Variants in DNAAF1 observed in about 807,000 individuals in gnomAD.
The protein encoded by DNAAF1 is dynein axonemal assembly factor 1.
Under a neutral mutation model 71.1 loss-of-function variants are expected in DNAAF1, and 65 were observed. That is an observed-to-expected ratio of 0.91 (90% CI 0.75 to 1.12). The LOEUF (loss-of-function observed/expected upper bound fraction) is 1.12, where lower values mean the gene tolerates loss of function less well. Ranked by LOEUF, DNAAF1 falls within the 50% of genes most tolerant of loss-of-function variation. The probability of loss-of-function intolerance (pLI) is 0.00; values close to 1 mark genes in which losing one functional copy is unlikely to be tolerated. For synonymous variants in DNAAF1, 414 were observed against 354.6 expected (o/e 1.17, Z -1.88); for missense variants, 1,178 against 899.8 (o/e 1.31, Z -3.96).
chr16:84,173,772 G>T (rs1409468378), intron 9 of DNAAF1: 1 of 154,832 alleles, frequency 6.5e-6, no homozygotes, highest in African/African-American at 2.4e-5. Flanking sequence ...CAGGAGAACT[G>T]CTTGAACCTG....
Position 84,160,930 on chromosome 16 carries a change from C to G in DNAAF1, c.863+1134C>G, listed in dbSNP as rs559856277. Among the ~76,000 whole-genome samples, 573 of 150,052 alleles carry G rather than the reference C, an allele frequency of 3.8e-3. 4 individuals are homozygous for G. The highest frequency in any genetic ancestry group is 0.013 in the African/African-American group (538 of 40,878). On this transcript the variant is annotated intron_variant, in intron 6 of 11. Transcript: ENST00000378553. ...CCAGCCTGGGCAACAGAGCGAGACT[C>G]CGTCTCAAAAAAAAAAAAAAAAAGA...
At position 84,154,589 on chromosome 16, in the gene DNAAF1, T is replaced by A; in HGVS notation, c.365T>A (p.Ile122Asn). The A allele has an allele frequency of 6.2e-7, 1 of 1,614,134 alleles. No homozygotes were observed. Residue 122 changes from isoleucine (I) to asparagine (N), a missense_variant, in exon 4 of 12, where the codon ATT becomes AAT. By Grantham distance (149) the Ile-to-Asn change is moderately radical (BLOSUM62 -3). Transcript: ENST00000378553. Reference sequence around the variant, plus strand: ...TCCTTTTTGTTAGGTTTTGATCGCATTGAGAACCTGGAAGAGTACACAGGG... The same window carrying A: ...TCCTTTTTGTTAGGTTTTGATCGCAATGAGAACCTGGAAGAGTACACAGGG... ...LYLHFKGFDR[I>N]ENLEEYTGLR...
intron 5 of DNAAF1, among the ~76,000 whole-genome samples, chr16:84,158,571 G>T (rs114694608): frequency 6.6e-6 from 1 of 152,116 alleles, no homozygotes; most frequent in Non-Finnish European, 1.5e-5. Context: ...ACGAAAGCAG[G>T]TTGCTTTATG....
intron 1 of DNAAF1, among the ~76,000 whole-genome samples, chr16:84,146,445 G>C (rs531194274): frequency 2.0e-5 from 3 of 152,116 alleles, no homozygotes; most frequent in African/African-American, 4.8e-5. Context: ...GGCCAGGCAC[G>C]GTGGCTCACG....
At chr16:84,157,802 C>T (rs1412143377) in intron 5 of DNAAF1, among the ~76,000 whole-genome samples, 1 of 152,186 alleles carries the variant, frequency 6.6e-6, no homozygotes, top group East Asian at 1.9e-4. Context: ...TAGTTTAGAA[C>T]TGCAGCACAC....
chr16:84,148,267 G>A, intron 1 of DNAAF1, among the ~76,000 whole-genome samples: 1 of 151,986 alleles, frequency 6.6e-6, no homozygotes, highest in East Asian at 1.9e-4. Context: ...ATGGTATCCT[G>A]TGCTTATTTT....
intron 6 of DNAAF1, among the ~76,000 whole-genome samples, chr16:84,162,842 C>T (rs1290820068): frequency 6.6e-6 from 1 of 151,496 alleles, no homozygotes; most frequent in African/African-American, 2.4e-5. Flanking sequence ...AAAGAAATAC[C>T]ATCCCCATTA....
chr16:84,163,676 G>C (rs1394951003), intron 6 of DNAAF1, among the ~76,000 whole-genome samples: 2 of 151,966 alleles, frequency 1.3e-5, no homozygotes, highest in East Asian at 1.9e-4. Context: ...ACCGCACCCA[G>C]CCCTGTCTTT....
At chr16:84,175,831 A>G (rs2151280762) in intron 10 of DNAAF1, 102 bp from the exon 11 acceptor site, 5 of 1,438,666 alleles carry the variant, frequency 3.5e-6, no homozygotes, top group Non-Finnish European at 4.8e-6. Flanking sequence ...GCAACAGAAT[A>G]CTTTGTGACA....
At chr16:84,174,478 T>C (rs2088548459) in intron 9 of DNAAF1, 191 bp from the exon 10 acceptor site, 1 of 1,469,506 alleles carries the variant, frequency 6.8e-7, no homozygotes. Context: ...TCCAGACACC[T>C]GAGGTGGCAA....
chr16:84,149,824 A>G (rs2087099731), intron 2 of DNAAF1, among the ~76,000 whole-genome samples: 1 of 152,108 alleles, frequency 6.6e-6, no homozygotes, highest in Non-Finnish European at 1.5e-5. Context: ...CAGGAGTTCA[A>G]GACCAGCCTG....
intron 6 of DNAAF1, among the ~76,000 whole-genome samples, chr16:84,160,149 TACA>T (rs2087632098): frequency 6.6e-6 from 1 of 152,346 alleles, no homozygotes; most frequent in South Asian, 2.1e-4. Flanking sequence ...TGTACCAATT[TACA>T]ACCTCACATA....
rs565078092 is a variant in DNAAF1, at chr16:84,170,112, G to A, written c.1284G>A (p.Glu428=). ...CCCTGCTACTGTCGTCACCTGTGGAGGTTAAAGGAGAGGACGGAGATGGAG... is the reference window on the plus strand; with the variant it reads ...CCCTGCTACTGTCGTCACCTGTGGAAGTTAAAGGAGAGGACGGAGATGGAG... The part of the protein sequence containing the change: ...AETLLLSSPV[E]VKGEDGDGEP... The change falls in exon 8 of 12, where the codon GAG becomes GAA. Residue 428 remains glutamate (E), a synonymous_variant. Transcript: ENST00000378553. The A allele has an allele frequency of 4.4e-6, 7 of 1,583,646 alleles. No individual in the cohort carries two copies. In the Admixed American group the frequency reaches 1.0e-4, roughly 23 times the overall value.
At chr16:84,151,545 A>G (rs1026388425) in intron 3 of DNAAF1, among the ~76,000 whole-genome samples, 7 of 152,332 alleles carry the variant, frequency 4.6e-5, no homozygotes, top group African/African-American at 1.7e-4. Context: ...GACTGAGTAG[A>G]GACAGTCAGA....
At chr16:84,151,600 A>G (rs2087184315) in intron 3 of DNAAF1, among the ~76,000 whole-genome samples, 1 of 152,182 alleles carries the variant, frequency 6.6e-6, no homozygotes, top group African/African-American at 2.4e-5. Flanking sequence ...TTAGTTATCT[A>G]TTGCTACATA....
At chr16:84,146,062 A>G (rs543528935) in intron 1 of DNAAF1, among the ~76,000 whole-genome samples, 3 of 152,138 alleles carry the variant, frequency 2.0e-5, no homozygotes, top group Admixed American at 2.0e-4. Flanking sequence ...TCGCCATTGC[A>G]TTCCAGCCCG....
chr16:84,151,654 C>G (rs888201686), intron 3 of DNAAF1, among the ~76,000 whole-genome samples: 1 of 152,134 alleles, frequency 6.6e-6, no homozygotes, highest in Admixed American at 6.5e-5. Context: ...ATGATCTCAC[C>G]CAGTTTCTGA....
intron 3 of DNAAF1, among the ~76,000 whole-genome samples, chr16:84,150,603 T>C (rs1419686812): frequency 1.3e-5 from 2 of 150,830 alleles, no homozygotes; most frequent in Non-Finnish European, 2.9e-5. Context: ...AGGAATTTTT[T>C]TTTCTTTTCT....
chr16:84,158,113 G>A (rs2087529138), intron 5 of DNAAF1, among the ~76,000 whole-genome samples: 1 of 152,136 alleles, frequency 6.6e-6, no homozygotes, highest in Admixed American at 6.6e-5. Context: ...GCTGAGGCAG[G>A]AGAATGGCGC....
Sources: gnomAD v4.1 joint callset for allele counts (sites outside exome capture counted in the v4.1 genomes callset) on GRCh38, gnomAD v4.1.1 for gene constraint, MANE v1.5 for transcripts, NCBI Gene and HGNC (gene_info 2026-07-23, HGNC 2026-07-21) for gene names.